NOL6: variants seen among roughly 807,000 people sequenced by gnomAD.
NOL6 encodes the protein nucleolar protein 6.
A neutral mutation model predicts 131.7 loss-of-function variants in NOL6; 33 were observed. The observed-to-expected ratio is 0.25, with a 90% CI of 0.19 to 0.33. NOL6 has a LOEUF of 0.33. NOL6 is among the 10% of genes least tolerant of loss of function. NOL6 has a pLI of 1.00. For synonymous variants in NOL6, 580 were observed against 605.7 expected (o/e 0.96, Z 0.62); for missense variants, 1,297 against 1,494.5 (o/e 0.87, Z 2.18).
rs1827150084 is a variant in NOL6 at position 33,463,329 on chromosome 9, C to A, written c.3107G>T (p.Gly1036Val). 1.2e-6 allele frequency: 2 copies of A among 1,613,988 alleles called. No homozygotes were observed. Among genetic ancestry groups the A allele is most frequent in the African/African-American group, 1.3e-5 (1 of 74,954 alleles). Residue 1036 changes from glycine to valine, a missense_variant, in exon 24 of 26, where the codon GGC becomes GTC. Coordinates refer to ENST00000297990, the MANE Select transcript of NOL6 (RefSeq NM_022917.5). ...VDSPAASFCRGLLSQPGPSSL... is the reference protein window; with the variant it reads ...VDSPAASFCRVLLSQPGPSSL... ...TGAGGGCCCCGGCTGGCTGAGCAGG[C>A]CCCGGCAGAAGGAGGCAGCTGGCGA... is the stretch of plus-strand genomic sequence containing the variant.
At chr9:33,471,185 C>T (rs1200745882) in intron 3 of NOL6, among the ~76,000 whole-genome samples, 2 of 152,202 alleles carry the variant, frequency 1.3e-5, no homozygotes, top group South Asian at 2.1e-4. Context: ...ATAGCTTGAA[C>T]CCGAGAGGTG....
chr9:33,466,532 A>G (rs1827248253), intron 16 of NOL6, 37 bp downstream of exon 16: 2 of 1,612,844 alleles, frequency 1.2e-6, no homozygotes, highest in Non-Finnish European at 1.7e-6. Flanking sequence ...AGGTGGGGCC[A>G]CTAAGCAGAA....
chr9:33,470,979 G>A (rs992075821), intron 3 of NOL6, among the ~76,000 whole-genome samples: 2 of 151,682 alleles, frequency 1.3e-5, no homozygotes, highest in Non-Finnish European at 2.9e-5. Context: ...GGCTGGAAAA[G>A]TGAACGTTTT....
rs2119025303 is a variant in NOL6 at position 33,469,020 on chromosome 9, G to C, written c.964C>G (p.Gln322Glu). 1 of 1,614,158 alleles carries C rather than the reference G, an allele frequency of 6.2e-7. No homozygotes were observed. Among genetic ancestry groups the C allele is most frequent in the Middle Eastern group, 1.6e-4 (1 of 6,062 alleles). The change falls in exon 7 of 26, where the codon CAG becomes GAG. Residue 322 changes from glutamine (Q) to glutamate (E), a missense_variant. Coordinates refer to ENST00000297990, the MANE Select transcript of NOL6 (RefSeq NM_022917.5). ...QLLSTILSSAQGLKDGVALLK... is the reference protein window; with the variant it reads ...QLLSTILSSAEGLKDGVALLK... ...AGTGCCACGCCATCCTTCAGGCCCT[G>C]GGCTGAACTCAGAATGGTTGACAGC...
intron 20 of NOL6, 26 bp from the exon 21 acceptor site, chr9:33,465,002 T>G: frequency 6.3e-7 from 1 of 1,580,754 alleles, no homozygotes; most frequent in Non-Finnish European, 8.7e-7. Flanking sequence ...AAGCAAAGAA[T>G]CCAGGGCCCA....
At position 33,462,645 on chromosome 9, in the gene NOL6, G is replaced by C. The variant is rs1335869778; in HGVS notation, c.*19C>G. Reference sequence around the variant, plus strand: ...TCCAATGTCCTGCTGTCCGTCTACAGCTTGCTCCAGAGCTGGGATCACACA... The same window carrying C: ...TCCAATGTCCTGCTGTCCGTCTACACCTTGCTCCAGAGCTGGGATCACACA... On this transcript the variant is annotated 3_prime_UTR_variant, in exon 26 of 26. Coordinates refer to ENST00000297990, the MANE Select transcript of NOL6 (RefSeq NM_022917.5). 2 of 1,613,646 alleles carry C rather than the reference G, an allele frequency of 1.2e-6. No homozygotes were observed. The highest frequency in any genetic ancestry group is 2.2e-5 in the South Asian group (2 of 91,060).
chr9:33,471,209 A>G (rs558318057), intron 3 of NOL6, among the ~76,000 whole-genome samples: 15 of 152,348 alleles, frequency 9.8e-5, no homozygotes, highest in African/African-American at 3.6e-4. Flanking sequence ...GCTGCAGTGA[A>G]CTGAGATCGC....
Position 33,467,904 on chromosome 9 carries a change from G to A in NOL6, c.1425-36C>T, listed in dbSNP as rs1827293341. On this transcript the variant is annotated intron_variant, in intron 11 of 25. Coordinates refer to ENST00000297990, the MANE Select transcript of NOL6 (RefSeq NM_022917.5). This position sits in a 1 kb window ranked among gnomAD's most constrained non-coding sequence, Gnocchi z 4.4. ...ACAAAGGGCCAAAGAGGGGTAATCA[G>A]GTTGCTGGCCCCTAGTACCACCTCC... 5.7e-6 allele frequency: 9 copies of A among 1,582,804 alleles called. No homozygotes were observed. The highest frequency in any genetic ancestry group is 7.7e-6 in the Non-Finnish European group (9 of 1,162,034).
Position 33,463,820 on chromosome 9 carries a change from C to A in NOL6, c.2994+11G>T. On this transcript the variant is annotated intron_variant, in intron 23 of 25. Coordinates refer to ENST00000297990, the MANE Select transcript of NOL6 (RefSeq NM_022917.5). The stretch of plus-strand genomic sequence containing the variant: ...CAGAGGCCCTGGAGTCACTGCTGGT[C>A]AGAAGCTTACCCTGATGTCCCCAGG... 6.2e-7 allele frequency: 1 copy of A among 1,613,852 alleles called. No individual in the cohort carries two copies. The highest frequency in any genetic ancestry group is 1.1e-5 in the South Asian group (1 of 91,042).
chr9:33,461,919 T>C lies in NOL6; in HGVS notation c.*745A>G, dbSNP rs1827103641. ...CAACCCCACTGCAGGTACATAGTAG[T>C]GGCAGTTTGTGACATGAACGGGCAA... On this transcript the variant is annotated 3_prime_UTR_variant, in exon 26 of 26. Coordinates refer to ENST00000297990, the MANE Select transcript of NOL6 (RefSeq NM_022917.5). 2 of 521,468 alleles carry C rather than the reference T, an allele frequency of 3.8e-6. No individual in the cohort carries two copies. The highest frequency in any genetic ancestry group is 3.8e-5 in the African/African-American group (2 of 52,698). The allele number at this position is 521,468 out of a possible 1,614,324, so 32.3% of individuals were successfully genotyped here.
chr9:33,467,847 C>G lies in NOL6; in HGVS notation c.1446G>C (p.Leu482=). ...GCTTCAGCCGGTGGCACGCTGCCTG[C>G]AGGCGACTCAGTGGACGGAGACTGG... is the stretch of plus-strand genomic sequence containing the variant. ...HVLHLRPLSR[L]QAACHRLKLW... Residue 482 remains leucine, a synonymous_variant, in exon 12 of 26, where the codon CTG becomes CTC. Transcript: ENST00000297990. The surrounding 1 kb of genome is among the most constrained non-coding windows in gnomAD (Gnocchi z 4.4). 1 of 1,593,388 alleles carries G rather than the reference C, an allele frequency of 6.3e-7. No individual in the cohort carries two copies. Among genetic ancestry groups the G allele is most frequent in the Non-Finnish European group, 8.6e-7 (1 of 1,169,346 alleles).
Position 33,462,566 on chromosome 9 carries a change from G to C in NOL6, c.*98C>G. ...GTTCAGCCAGCAGGCCCTCCATGGA[G>C]GATTCATGTCCAAGGAGGGTGGAGG... On this transcript the variant is annotated 3_prime_UTR_variant, in exon 26 of 26. Transcript: ENST00000297990. 1 of 1,377,990 alleles carries C rather than the reference G, an allele frequency of 7.3e-7. No homozygotes were observed. The highest frequency in any genetic ancestry group is 1.4e-5 in the African/African-American group (1 of 69,942). The allele number at this position is 1,377,990 out of a possible 1,614,324, so 85.4% of individuals were successfully genotyped here.
intron 21 of NOL6, 57 bp from the exon 22 acceptor site, chr9:33,464,218 C>G: frequency 6.5e-7 from 1 of 1,546,686 alleles, no homozygotes; most frequent in Non-Finnish European, 8.7e-7. Context: ...ACACCCTCTA[C>G]TCCCCCAGGT....
Position 33,467,735 on chromosome 9 carries a change from C to A in NOL6, c.1558G>T (p.Ala520Ser). 1 of 1,592,094 alleles carries A rather than the reference C, an allele frequency of 6.3e-7. No individual in the cohort carries two copies. Among genetic ancestry groups the A allele is most frequent in the South Asian group, 1.1e-5 (1 of 87,584 alleles). The stretch of plus-strand genomic sequence containing the variant: ...GAGTGAGCCAGCAGGTTCAGCCGAG[C>A]CCCCAGGCCCTGCTCCAGGAGGGTG... ...LTTLLEQGLG[A>S]RLNLLAHSRP... Residue 520 changes from alanine to serine, a missense_variant, in exon 12 of 26, where the codon GCT becomes TCT. Coordinates refer to ENST00000297990, the MANE Select transcript of NOL6 (RefSeq NM_022917.5). This position sits in a 1 kb window ranked among gnomAD's most constrained non-coding sequence, Gnocchi z 4.4.
Position 33,467,736 on chromosome 9 carries a change from C to G in NOL6, c.1557G>C (p.Gly519=). 1 of 1,598,298 alleles carries G rather than the reference C, an allele frequency of 6.3e-7. No homozygotes were observed. Among genetic ancestry groups the G allele is most frequent in the Non-Finnish European group, 8.5e-7 (1 of 1,173,124 alleles). ...PLTTLLEQGL[G]ARLNLLAHSR... is the part of the protein sequence containing the mutation. ...AGTGAGCCAGCAGGTTCAGCCGAGCCCCCAGGCCCTGCTCCAGGAGGGTGG... is the reference window on the plus strand; with the variant it reads ...AGTGAGCCAGCAGGTTCAGCCGAGCGCCCAGGCCCTGCTCCAGGAGGGTGG... Residue 519 remains glycine, a synonymous_variant, in exon 12 of 26, where the codon GGG becomes GGC. Coordinates refer to ENST00000297990, the MANE Select transcript of NOL6 (RefSeq NM_022917.5). The surrounding 1 kb of genome is among the most constrained non-coding windows in gnomAD (Gnocchi z 4.4).
Position 33,462,350 on chromosome 9 carries a change from G to C in NOL6, c.*314C>G, listed in dbSNP as rs548412895. 1.4e-5 allele frequency: 9 copies of C among 662,294 alleles called. No homozygotes were observed. The highest frequency in any genetic ancestry group is 5.3e-5 in the African/African-American group (3 of 56,268). The allele number at this position is 662,294 out of a possible 1,614,324, so 41.0% of individuals were successfully genotyped here. A position where few individuals can be genotyped will look rare whatever the true frequency, so the allele number is the denominator to read the frequency against. On this transcript the variant is annotated 3_prime_UTR_variant, in exon 26 of 26. Transcript: ENST00000297990. ...AAGACTAAGAAAGGAGTGGGAAATC[G>C]CAGGGAGGTCCAGGCCCAGGGCTAA...
rs753097331 is a variant in NOL6, at chr9:33,469,695, C to T, written c.559-28G>A. On this transcript the variant is annotated intron_variant, in intron 4 of 25. Coordinates refer to ENST00000297990, the MANE Select transcript of NOL6 (RefSeq NM_022917.5). Reference sequence around the variant, plus strand: ...GGAGGGGCCAGGGGAGAAGAGAAGGCCAGGCACATAAGTGCTTGTGGAGCT... The same window carrying T: ...GGAGGGGCCAGGGGAGAAGAGAAGGTCAGGCACATAAGTGCTTGTGGAGCT... 10 of 1,596,242 alleles carry T rather than the reference C, an allele frequency of 6.3e-6. No homozygotes were observed. In the South Asian group the frequency reaches 1.0e-4, roughly 16 times the overall value.
In NOL6 at chr9:33,465,805, C is replaced by T; in HGVS notation, c.2457G>A (p.Arg819=). The T allele has an allele frequency of 1.2e-6, 2 of 1,614,010 alleles. No individual in the cohort carries two copies. Among genetic ancestry groups the T allele is most frequent in the Non-Finnish European group, 8.5e-7 (1 of 1,179,966 alleles). ...VQSPEGMISL[R]DTAASLRLER... is the part of the protein sequence containing the mutation. Reference sequence around the variant, plus strand: ...CAAGGCGGAGGGAGGCAGCTGTGTCCCTCAGCGAGATCATCCCCTCTGGGC... The same window carrying T: ...CAAGGCGGAGGGAGGCAGCTGTGTCTCTCAGCGAGATCATCCCCTCTGGGC... The change falls in exon 19 of 26, where the codon AGG becomes AGA. Residue 819 remains arginine, a synonymous_variant. Transcript: ENST00000297990.
Position 33,467,941 on chromosome 9 carries a change from T to G in NOL6, c.1425-73A>C. 6.2e-7 allele frequency: 1 copy of G among 1,601,818 alleles called. No homozygotes were observed. The highest frequency in any genetic ancestry group is 8.5e-7 in the Non-Finnish European group (1 of 1,172,046). On this transcript the variant is annotated intron_variant, in intron 11 of 25. Transcript: ENST00000297990. The surrounding 1 kb of genome is among the most constrained non-coding windows in gnomAD (Gnocchi z 4.4). ...CTAGTACCACCTCCTCCCTGAATGA[T>G]CTGAGCACCTGTCTGAAGACCTTTG...
Sources: gnomAD v4.1 joint callset for allele counts (sites outside exome capture counted in the v4.1 genomes callset) on GRCh38, gnomAD v4.1.1 for gene constraint, Gnocchi (gnomAD v3.1) non-coding constraint, MANE v1.5 for transcripts, NCBI Gene and HGNC (gene_info 2026-07-23, HGNC 2026-07-21) for gene names.